Variants in MAP4K5 observed in about 807,000 individuals in gnomAD.
The protein encoded by MAP4K5 is MAPK/ERK kinase kinase kinase 5.
MAP4K5 carries 82 observed loss-of-function variants against 135.6 expected under a neutral mutation model. The observed-to-expected ratio is 0.60, with a 90% CI of 0.51 to 0.73. MAP4K5 has a LOEUF of 0.73. Ranked by LOEUF, MAP4K5 falls within the 30% of genes least tolerant of loss-of-function variation. The pLI is 0.00. For missense variants in MAP4K5, 907 were observed against 1,010.9 expected (o/e 0.90, Z 1.39); for synonymous variants, 347 against 335.0 (o/e 1.04, Z -0.39).
chr14:50,493,589 TAAAC>T (rs953959913), intron 3 of MAP4K5, among the ~76,000 whole-genome samples: 5 of 151,930 alleles, frequency 3.3e-5, no homozygotes, highest in African/African-American at 1.2e-4. Context: ...TTAGAACAAA[TAAAC>T]AAATTTAGCA....
At chr14:50,490,629 C>T (rs986752664) in intron 3 of MAP4K5, among the ~76,000 whole-genome samples, 1 of 152,184 alleles carries the variant, frequency 6.6e-6, no homozygotes, top group Non-Finnish European at 1.5e-5. Flanking sequence ...AGCAGGCACA[C>T]TGCAACTCTA....
chr14:50,556,033 G>C (rs1321167066), intron 1 of MAP4K5, among the ~76,000 whole-genome samples: 1 of 152,140 alleles, frequency 6.6e-6, no homozygotes, highest in African/African-American at 2.4e-5. Context: ...ATAGTTTGTG[G>C]AGTAACATCC....
At chr14:50,473,926 G>T (rs1365828915) in intron 9 of MAP4K5, among the ~76,000 whole-genome samples, 2 of 151,696 alleles carry the variant, frequency 1.3e-5, no homozygotes, top group Admixed American at 1.3e-4. Context: ...GGGTTTCACC[G>T]TGTTAGCCAG....
chr14:50,555,429 A>T (rs1382299548), intron 1 of MAP4K5, among the ~76,000 whole-genome samples: 1 of 152,034 alleles, frequency 6.6e-6, no homozygotes, highest in Non-Finnish European at 1.5e-5. Flanking sequence ...CTACAGGTGC[A>T]CGCCACCCGT....
chr14:50,521,774 C>G (rs921413427), intron 2 of MAP4K5, among the ~76,000 whole-genome samples: 1 of 152,162 alleles, frequency 6.6e-6, no homozygotes, highest in African/African-American at 2.4e-5. Flanking sequence ...TTATATTTAA[C>G]AGAAATAAAA....
In MAP4K5 at chr14:50,435,066, C is replaced by A. The variant is rs1190532063; in HGVS notation, c.1883-1G>T. The A allele has an allele frequency of 6.4e-7, 1 of 1,566,216 alleles. No individual in the cohort carries two copies. The highest frequency in any genetic ancestry group is 2.2e-5 in the East Asian group (1 of 44,510). On this transcript the variant is annotated splice_acceptor_variant, in intron 26 of 32. Transcript: ENST00000682126. LOFTEE classifies it high-confidence loss of function. The stretch of plus-strand genomic sequence containing the variant: ...TTATGTCCCGTGTAAGGGTTTCTGA[C>A]TGGAAAGAAATAAACAAACAAAAAA...
chr14:50,440,067 GA>G lies in MAP4K5; in HGVS notation c.1650del (p.Pro551HisfsTer14). ...ELHEATMEQL[F>X]PRKCTWLYVI... ...ACATACAGCCAAGTACACTTCCGTG[GA>G]AATAACTAAGAAAAAGAAGATAATT... On this transcript the variant is annotated frameshift_variant, in exon 23 of 33. Coordinates refer to ENST00000682126, the MANE Select transcript of MAP4K5 (RefSeq NM_006575.6). LOFTEE classifies it high-confidence loss of function. The G allele has an allele frequency of 6.7e-7, 1 of 1,496,396 alleles. No homozygotes were observed. Among genetic ancestry groups the G allele is most frequent in the Admixed American group, 2.0e-5 (1 of 51,192 alleles). 92.7% of individuals were successfully genotyped at this position (1,496,396 alleles called of 1,614,324 possible). A position where few individuals can be genotyped will look rare whatever the true frequency, so the allele number is the denominator to read the frequency against.
intron 23 of MAP4K5, among the ~76,000 whole-genome samples, chr14:50,439,263 C>T (rs924744989): frequency 6.2e-5 from 9 of 145,196 alleles, no homozygotes; most frequent in Non-Finnish European, 1.1e-4. Context: ...AAAATGAAAG[C>T]AATCAGCAAA....
chr14:50,510,588 T>C (rs996330645), intron 2 of MAP4K5, among the ~76,000 whole-genome samples: 8 of 152,156 alleles, frequency 5.3e-5, no homozygotes, highest in Admixed American at 5.2e-4. Flanking sequence ...AACTAGAAAA[T>C]GCTATGAAAC....
rs1304190994 is a variant in MAP4K5 at position 50,441,779 on chromosome 14, CACACACACACACACACACAT to C, written c.1564+933_1564+952del. The stretch of plus-strand genomic sequence containing the variant: ...ACACACACACACACACACACACACA[CACACACACACACACACACAT>C]ATATATACCCCCTCTGTCATACTTT... On this transcript the variant is annotated intron_variant, in intron 21 of 32. Transcript: ENST00000682126. Among the ~76,000 whole-genome samples, 156 of 137,252 alleles carry C rather than the reference CACACACACACACACACACAT, an allele frequency of 1.1e-3. No homozygotes were observed. In the Middle Eastern group the frequency reaches 0.014, roughly 13 times the overall value. The allele number at this position is 137,252 out of a possible 152,430, so 90.0% of individuals were successfully genotyped here. A position where few individuals can be genotyped will look rare whatever the true frequency, so the allele number is the denominator to read the frequency against.
intron 2 of MAP4K5, among the ~76,000 whole-genome samples, chr14:50,528,028 T>C (rs888417539): frequency 1.3e-5 from 2 of 152,070 alleles, no homozygotes; most frequent in Non-Finnish European, 2.9e-5. Context: ...AGAATCTAAA[T>C]CTCCAGATTT....
chr14:50,551,954 G>T (rs539312350), intron 1 of MAP4K5, among the ~76,000 whole-genome samples: 1 of 152,054 alleles, frequency 6.6e-6, no homozygotes, highest in Non-Finnish European at 1.5e-5. Flanking sequence ...ACTAGAACAA[G>T]ACAAGAATAC....
At chr14:50,482,002 T>G (rs1382664125) in intron 6 of MAP4K5, among the ~76,000 whole-genome samples, 1 of 152,186 alleles carries the variant, frequency 6.6e-6, no homozygotes, top group Non-Finnish European at 1.5e-5. Flanking sequence ...CATGTTACAA[T>G]TGAGAGGTTT....
At position 50,547,083 on chromosome 14, in the gene MAP4K5, G is replaced by C. The variant is rs542457443; in HGVS notation, c.-179-4499C>G. Among the ~76,000 whole-genome samples the C allele has an allele frequency of 1.6e-4, 25 of 152,122 alleles. No homozygotes were observed. The East Asian group carries it at 4.6e-3, about 28-fold the overall frequency. On this transcript the variant is annotated intron_variant, in intron 1 of 8. Coordinates refer to the MAP4K5 transcript ENST00000555216. ...ACACAGGGGGAGGGGGGAACTTTAA[G>C]GTTTTTACTTAGGTGAACATCTTAT...
At chr14:50,446,180 G>T in intron 16 of MAP4K5, 59 bp from the exon 17 acceptor site, 1 of 1,013,388 alleles carries the variant, frequency 9.9e-7, no homozygotes, top group Non-Finnish European at 1.5e-6. Flanking sequence ...CGAAAACACA[G>T]ATACTATTAA....
At chr14:50,502,555 T>C (rs1399282681) in intron 3 of MAP4K5, among the ~76,000 whole-genome samples, 8 of 152,122 alleles carry the variant, frequency 5.3e-5, no homozygotes. Flanking sequence ...ATTGTCAAAA[T>C]GCCAAATATC....
rs547434898 is a variant in MAP4K5, at chr14:50,553,214, T to C, written c.-180+7826A>G. ...AGGAGGCTGAAGCAGGAGAATGCAGTGAGCCGAGATCGTGCCACTGCACTC... is the reference window on the plus strand; with the variant it reads ...AGGAGGCTGAAGCAGGAGAATGCAGCGAGCCGAGATCGTGCCACTGCACTC... On this transcript the variant is annotated intron_variant, in intron 1 of 8. Transcript: ENST00000555216. Among the ~76,000 whole-genome samples, 3 of 148,920 alleles carry C rather than the reference T, an allele frequency of 2.0e-5. No homozygotes were observed. The South Asian group carries it at 6.4e-4, about 32-fold the overall frequency.
intron 2 of MAP4K5, among the ~76,000 whole-genome samples, chr14:50,522,079 T>C (rs770295409): frequency 6.6e-6 from 1 of 152,168 alleles, no homozygotes; most frequent in African/African-American, 2.4e-5. Flanking sequence ...CTTTTAAATT[T>C]TGAAAGCAAA....
chr14:50,431,409 C>T (rs1415283977), intron 28 of MAP4K5, among the ~76,000 whole-genome samples: 1 of 152,142 alleles, frequency 6.6e-6, no homozygotes, highest in African/African-American at 2.4e-5. Context: ...CCCCTTCCCC[C>T]ACCCCACAAC....
Sources: allele counts gnomAD v4.1 joint callset (sites outside exome capture counted in the v4.1 genomes callset), GRCh38; gene constraint gnomAD v4.1.1; transcripts MANE v1.5; gene names NCBI Gene and HGNC (gene_info 2026-07-23, HGNC 2026-07-21).